The following FAM110A variants were observed in gnomAD, a reference collection of about 807,000 sequenced individuals.
FAM110A encodes the protein protein FAM110A.
FAM110A carries 1 observed loss-of-function variant against 4.0 expected under a neutral mutation model. The ratio of observed to expected loss-of-function variants is 0.25; its 90% CI spans 0.09 to 1.20. The LOEUF is 1.20. Ranked by LOEUF, FAM110A falls within the 50% of genes most tolerant of loss-of-function variation. The pLI is 0.50. For missense variants in FAM110A, 436 were observed against 429.2 expected (o/e 1.02, Z -0.14); for synonymous variants, 217 against 196.8 (o/e 1.10, Z -0.86).
In FAM110A at chr20:845,912, C is replaced by T. The variant is rs1600021561; in HGVS notation, c.*220C>T. 1 of 899,872 alleles carries T rather than the reference C, an allele frequency of 1.1e-6. No homozygotes were observed. The highest frequency in any genetic ancestry group is 2.8e-5 in the East Asian group (1 of 35,162). The allele number at this position is 899,872 out of a possible 1,614,324, so 55.7% of individuals were successfully genotyped here. ...GCTTTGGACACCTGAGAACCCCCTC[C>T]TCCCCTCCCCCAATACAAGGTTTTT... On this transcript the variant is annotated 3_prime_UTR_variant, in exon 2 of 2. Coordinates refer to ENST00000381941, the MANE Select transcript of FAM110A (RefSeq NM_001042353.3).
At position 845,590 on chromosome 20, in the gene FAM110A, G is replaced by C. The variant is rs1320370094; in HGVS notation, c.786G>C (p.Glu262Asp). ...TGACTGTTGAGGAGCGGGCCCGGGA[G>C]CGCGTTCCCTATGGCGTGTCGGTGG... ...SSVTVEERAR[E>D]RVPYGVSVVE... is the part of the protein sequence containing the mutation. The change falls in exon 2 of 2, where the codon GAG becomes GAC. Residue 262 changes from glutamate to aspartate, a missense_variant. Transcript: ENST00000381941. 1 of 1,614,070 alleles carries C rather than the reference G, an allele frequency of 6.2e-7. No individual in the cohort carries two copies. The highest frequency in any genetic ancestry group is 8.5e-7 in the Non-Finnish European group (1 of 1,180,014).
intron 1 of FAM110A, among the ~76,000 whole-genome samples, chr20:839,067 T>C (rs890650055): frequency 3.3e-5 from 5 of 152,116 alleles, no homozygotes; most frequent in Non-Finnish European, 7.4e-5. Flanking sequence ...GGTTTCTCCC[T>C]CTGGGGTCCA....
At chr20:838,817 AT>A (rs35060058) in intron 1 of FAM110A, among the ~76,000 whole-genome samples, 5,287 of 128,848 alleles carry the variant, frequency 0.041, 166 homozygotes, top group African/African-American at 0.1. Flanking sequence ...GGGAGCTTGG[AT>A]TTTTTTTTTT....
rs1390221071 is a variant in FAM110A at position 845,951 on chromosome 20, T to C, written c.*259T>C. 3.2e-6 allele frequency: 2 copies of C among 619,834 alleles called. No individual in the cohort carries two copies. Among genetic ancestry groups the C allele is most frequent in the Non-Finnish European group, 5.4e-6 (2 of 368,436 alleles). The allele number at this position is 619,834 out of a possible 1,614,324, so 38.4% of individuals were successfully genotyped here. A position where few individuals can be genotyped will look rare whatever the true frequency, so the allele number is the denominator to read the frequency against. On this transcript the variant is annotated 3_prime_UTR_variant, in exon 2 of 2. Coordinates refer to ENST00000381941, the MANE Select transcript of FAM110A (RefSeq NM_001042353.3). The stretch of plus-strand genomic sequence containing the variant: ...TACAAGGTTTTTGACATGAGTGTAC[T>C]CCTGCTTAGTTCCTCTTGTGGGGCT...
intron 1 of FAM110A, among the ~76,000 whole-genome samples, chr20:835,141 C>T (rs540655205): frequency 8.7e-5 from 13 of 149,064 alleles, no homozygotes; most frequent in Admixed American, 7.4e-4. Flanking sequence ...ACTCACACAG[C>T]CTTCATGAAG....
intron 1 of FAM110A, among the ~76,000 whole-genome samples, chr20:835,192 CTCTCTCTCTA>C (rs1306968661): frequency 2.0e-4 from 25 of 126,178 alleles, no homozygotes; most frequent in Admixed American, 5.2e-4. Flanking sequence ...CTCTCTCTCT[CTCTCTCTCTA>C]TATATATATA....
At chr20:841,066 G>C (rs1334872982) in intron 1 of FAM110A, among the ~76,000 whole-genome samples, 1 of 152,164 alleles carries the variant, frequency 6.6e-6, no homozygotes, top group African/African-American at 2.4e-5. Context: ...CGGTGGGCGG[G>C]TCTCGGCTCC....
At chr20:839,698 G>A (rs1479538078) in intron 1 of FAM110A, 2 of 1,241,612 alleles carry the variant, frequency 1.6e-6, no homozygotes, top group Non-Finnish European at 2.4e-6. Flanking sequence ...GGCAGATGTA[G>A]GGTGGCAGGA....
chr20:845,055 C>T lies in FAM110A; in HGVS notation c.251C>T (p.Thr84Ile). ...CTCTTTAGCCCTGAGACTCGCCGCA[C>T]AGTGCTCACGCCCAGCCGCCGAGCC... ...QPLFSPETRR[T>I]VLTPSRRALP... The change falls in exon 2 of 2, where the codon ACA (threonine) becomes ATA (isoleucine). Residue 84 changes from threonine (T) to isoleucine (I), a missense_variant. By Grantham distance (89) the Thr-to-Ile change is moderately conservative (BLOSUM62 -1). Transcript: ENST00000381941. 6.3e-7 allele frequency: 1 copy of T among 1,595,018 alleles called. No individual in the cohort carries two copies. Among genetic ancestry groups the T allele is most frequent in the Non-Finnish European group, 8.5e-7 (1 of 1,171,844 alleles).
intron 1 of FAM110A, among the ~76,000 whole-genome samples, chr20:844,225 G>A (rs1169291924): frequency 2.0e-5 from 3 of 152,138 alleles, no homozygotes; most frequent in Non-Finnish European, 4.4e-5. Flanking sequence ...ACGCCCCGGT[G>A]CCAGCACCTT....
chr20:839,980 T>C (rs1979795727), intron 1 of FAM110A: 1 of 1,375,170 alleles, frequency 7.3e-7, no homozygotes, highest in Admixed American at 1.8e-5. Flanking sequence ...ATCAGCATCT[T>C]GGCAGCTGTA....
At position 840,306 on chromosome 20, in the gene FAM110A, C is replaced by T. The variant is rs1433231182; in HGVS notation, c.-97-4402C>T. ...CTGGCCCAGCTCCCACAGGCACAGACATGGAACAGGAGCCTCTTCAGCCTG... is the reference window on the plus strand; with the variant it reads ...CTGGCCCAGCTCCCACAGGCACAGATATGGAACAGGAGCCTCTTCAGCCTG... On this transcript the variant is annotated intron_variant, in intron 1 of 1. Transcript: ENST00000381941. This position sits in a 1 kb window ranked among gnomAD's most constrained non-coding sequence, Gnocchi z 4.4. Among the ~76,000 whole-genome samples, 1 of 152,114 alleles carries T rather than the reference C, an allele frequency of 6.6e-6. No homozygotes were observed.
At chr20:842,867 A>G (rs999877165) in intron 1 of FAM110A, among the ~76,000 whole-genome samples, 2 of 152,098 alleles carry the variant, frequency 1.3e-5, no homozygotes, top group African/African-American at 4.8e-5. Flanking sequence ...CTGATCACCC[A>G]GTTCACATCT....
chr20:845,786 C>G lies in FAM110A; in HGVS notation c.*94C>G. ...GCATCCATTCTCTAGACGGCCGTGT[C>G]AGAGGCTCCACCCTGTTGTGAACTT... On this transcript the variant is annotated 3_prime_UTR_variant, in exon 2 of 2. Coordinates refer to ENST00000381941, the MANE Select transcript of FAM110A (RefSeq NM_001042353.3). The G allele has an allele frequency of 6.5e-7, 1 of 1,541,010 alleles. No homozygotes were observed. The highest frequency in any genetic ancestry group is 1.3e-5 in the South Asian group (1 of 79,748).
chr20:839,598 C>G, intron 1 of FAM110A: 1 of 1,043,932 alleles, frequency 9.6e-7, no homozygotes, highest in Non-Finnish European at 1.5e-6. Flanking sequence ...TCTTGTGAGT[C>G]TTGCAGGTCG....
rs1461618976 is a variant in FAM110A, at chr20:840,966, T to G, written c.-97-3742T>G. ...AGTGAACATCACCTGGCGGTCGTTC[T>G]GAGTGTCAGGGAGCGGGGCTCAGTT... On this transcript the variant is annotated intron_variant, in intron 1 of 1. Transcript: ENST00000381941. This position sits in a 1 kb window ranked among gnomAD's most constrained non-coding sequence, Gnocchi z 4.4. Among the ~76,000 whole-genome samples the G allele has an allele frequency of 3.9e-5, 6 of 152,268 alleles. No homozygotes were observed. Among genetic ancestry groups the G allele is most frequent in the African/African-American group, 1.4e-4 (6 of 41,476 alleles).
chr20:838,933 G>A (rs572774611), intron 1 of FAM110A, among the ~76,000 whole-genome samples: 1 of 151,936 alleles, frequency 6.6e-6, no homozygotes, highest in East Asian at 1.9e-4. Flanking sequence ...GGAGCCACAG[G>A]AGGGTTTAAA....
chr20:839,632 G>A (rs902405252), intron 1 of FAM110A: 18 of 1,156,720 alleles, frequency 1.6e-5, no homozygotes, highest in African/African-American at 1.1e-4. Context: ...CCTTTAGGCC[G>A]AGGCCTGCCA....
intron 1 of FAM110A, among the ~76,000 whole-genome samples, chr20:841,095 T>A (rs1259667490): frequency 6.6e-6 from 1 of 152,134 alleles, no homozygotes; most frequent in Non-Finnish European, 1.5e-5. Context: ...CTTCCCTGGG[T>A]GGTCCTGGAG....
Sources: gnomAD v4.1 joint callset for allele counts (sites outside exome capture counted in the v4.1 genomes callset) on GRCh38, gnomAD v4.1.1 for gene constraint, Gnocchi (gnomAD v3.1) non-coding constraint, MANE v1.5 for transcripts, NCBI Gene and HGNC (gene_info 2026-07-23, HGNC 2026-07-21) for gene names.